UBASH3B: variants seen among roughly 807,000 people sequenced by gnomAD.
UBASH3B encodes ubiquitin associated and SH3 domain containing B.
In UBASH3B, 37 loss-of-function variants were observed where a neutral mutation model predicts 83.4. The observed-to-expected ratio is 0.44, with a 90% CI of 0.34 to 0.58. The LOEUF is 0.58. UBASH3B is among the 20% of genes least tolerant of loss of function. The pLI, the probability that UBASH3B is intolerant of heterozygous loss-of-function variation, is 0.01. For synonymous variants in UBASH3B, 304 were observed against 318.3 expected, an observed-to-expected ratio of 0.96 and a Z score of 0.48; for missense variants, 657 against 827.2, an observed-to-expected ratio of 0.79 and a Z score of 2.52.
intron 1 of UBASH3B, among the ~76,000 whole-genome samples, chr11:122,699,558 TTTC>T (rs1864013391): frequency 2.0e-5 from 3 of 147,154 alleles, no homozygotes; most frequent in Admixed American, 1.5e-4. Context: ...TCTTTCTTTC[TTTC>T]TTTCTTTCTT....
intron 1 of UBASH3B, among the ~76,000 whole-genome samples, chr11:122,683,306 C>A (rs1389463560): frequency 4.0e-5 from 6 of 150,838 alleles, no homozygotes; most frequent in African/African-American, 9.8e-5. Flanking sequence ...CTTTAAAAGA[C>A]TGTGACTATT....
chr11:122,783,267 C>G, intron 5 of UBASH3B, 45 bp downstream of exon 5: 2 of 1,595,106 alleles, frequency 1.3e-6, no homozygotes, highest in Non-Finnish European at 1.7e-6. Context: ...TGCAGGGATG[C>G]AATCAGAATC....
At chr11:122,770,353 A>G (rs1046879235) in intron 1 of UBASH3B, among the ~76,000 whole-genome samples, 19 of 152,190 alleles carry the variant, frequency 1.2e-4, no homozygotes, top group African/African-American at 4.1e-4. Flanking sequence ...GTTTTATCAA[A>G]TGGCACTAAA....
chr11:122,788,996 C>T, intron 5 of UBASH3B, 104 bp from the exon 6 acceptor site: 1 of 1,081,862 alleles, frequency 9.2e-7, no homozygotes, highest in Non-Finnish European at 1.4e-6. Flanking sequence ...GCACATCGCC[C>T]TCTGGAGGTG....
chr11:122,743,009 G>A (rs1292273109), intron 1 of UBASH3B, among the ~76,000 whole-genome samples: 1 of 152,168 alleles, frequency 6.6e-6, no homozygotes, highest in Non-Finnish European at 1.5e-5. Flanking sequence ...ACCTGGCCCT[G>A]GGTGCCCCCT....
chr11:122,661,167 C>T (rs977950066), intron 1 of UBASH3B, among the ~76,000 whole-genome samples: 1 of 151,990 alleles, frequency 6.6e-6, no homozygotes, highest in African/African-American at 2.4e-5. Context: ...TTGGATTGTC[C>T]TTTTTTTTCT....
At chr11:122,753,239 T>G (rs1006213292) in intron 1 of UBASH3B, among the ~76,000 whole-genome samples, 1 of 150,326 alleles carries the variant, frequency 6.7e-6, no homozygotes, top group Admixed American at 6.6e-5. Flanking sequence ...AGGTCAGGAG[T>G]TGAAGACCAG....
intron 1 of UBASH3B, among the ~76,000 whole-genome samples, chr11:122,688,625 CTTTTATTTTATTTTA>C (rs560066242): frequency 7.3e-6 from 1 of 137,358 alleles, no homozygotes; most frequent in Non-Finnish European, 1.5e-5. Flanking sequence ...TTTTTTCTTT[CTTTTATTTTATTTTA>C]TTTTATTTTA....
chr11:122,721,044 G>C (rs1446361393), intron 1 of UBASH3B, among the ~76,000 whole-genome samples: 1 of 151,876 alleles, frequency 6.6e-6, no homozygotes, highest in Non-Finnish European at 1.5e-5. Context: ...AGGAGATGGA[G>C]ACCATCCCGG....
intron 1 of UBASH3B, among the ~76,000 whole-genome samples, chr11:122,699,453 A>G (rs1254534124): frequency 6.6e-6 from 1 of 152,028 alleles, no homozygotes; most frequent in East Asian, 1.9e-4. Flanking sequence ...TCCACCTTCC[A>G]AAATTATTGT....
chr11:122,741,685 G>C (rs1488284678), intron 1 of UBASH3B, among the ~76,000 whole-genome samples: 4 of 152,150 alleles, frequency 2.6e-5, no homozygotes, highest in Non-Finnish European at 2.9e-5. Flanking sequence ...GCATCCAGCT[G>C]CTCCTCTTCC....
At chr11:122,705,317 G>A (rs561576031) in intron 1 of UBASH3B, among the ~76,000 whole-genome samples, 1 of 152,092 alleles carries the variant, frequency 6.6e-6, no homozygotes, top group South Asian at 2.1e-4. Context: ...GTGGTGGCAT[G>A]TGCCTGTAAT....
At chr11:122,715,237 G>A (rs926228090) in intron 1 of UBASH3B, among the ~76,000 whole-genome samples, 2 of 151,854 alleles carry the variant, frequency 1.3e-5, no homozygotes, top group Non-Finnish European at 2.9e-5. Context: ...GAGCCACTGC[G>A]CCCAGCCGAG....
chr11:122,702,230 A>G lies in UBASH3B; in HGVS notation c.161+46020A>G, dbSNP rs1178345044. ...GAAAACCGAATTATTTGCTTTAGTA[A>G]TGAATCCAAGTCCAACATAGTTACG... On this transcript the variant is annotated intron_variant, in intron 1 of 13. Coordinates refer to ENST00000284273, the MANE Select transcript of UBASH3B (RefSeq NM_032873.5). Among the ~76,000 whole-genome samples, 5 of 152,210 alleles carry G rather than the reference A, an allele frequency of 3.3e-5. No individual in the cohort carries two copies. The East Asian group carries it at 5.8e-4, about 18-fold the overall frequency.
intron 11 of UBASH3B, among the ~76,000 whole-genome samples, chr11:122,802,422 C>T (rs2135185061): frequency 6.6e-6 from 1 of 151,368 alleles, no homozygotes; most frequent in African/African-American, 2.4e-5. Flanking sequence ...CAGATAGTCA[C>T]AACCATTATA....
intron 1 of UBASH3B, among the ~76,000 whole-genome samples, chr11:122,723,819 T>C (rs1860683440): frequency 6.6e-6 from 1 of 152,222 alleles, no homozygotes. Context: ...TTCATTGTAA[T>C]AGGAAGGAGG....
At chr11:122,671,696 G>A (rs1164306334) in intron 1 of UBASH3B, among the ~76,000 whole-genome samples, 2 of 152,230 alleles carry the variant, frequency 1.3e-5, no homozygotes, top group Admixed American at 6.5e-5. Context: ...TTACAGACCA[G>A]TGGAGCAGGA....
Position 122,810,105 on chromosome 11 carries a change from A to G in UBASH3B, c.*219A>G, listed in dbSNP as rs1861415164. On this transcript the variant is annotated 3_prime_UTR_variant, in exon 14 of 14. Coordinates refer to ENST00000284273, the MANE Select transcript of UBASH3B (RefSeq NM_032873.5). ...TTCTCTCTGGACTCTTGCCTAGCTCACAAGGCTTTGGAGAATTGTCTTCCT... is the reference window on the plus strand; with the variant it reads ...TTCTCTCTGGACTCTTGCCTAGCTCGCAAGGCTTTGGAGAATTGTCTTCCT... 3 of 514,186 alleles carry G rather than the reference A, an allele frequency of 5.8e-6. No homozygotes were observed. Among genetic ancestry groups the G allele is most frequent in the Admixed American group, 7.1e-5 (2 of 28,002 alleles). 31.9% of individuals were successfully genotyped at this position (514,186 alleles called of 1,614,324 possible).
chr11:122,801,415 C>T, intron 11 of UBASH3B, 83 bp downstream of exon 11: 1 of 1,494,396 alleles, frequency 6.7e-7, no homozygotes, highest in South Asian at 1.2e-5. Flanking sequence ...AGGAAGGAGC[C>T]AGGGCTGGAC....
Sources: allele counts gnomAD v4.1 joint callset (sites outside exome capture counted in the v4.1 genomes callset), GRCh38; gene constraint gnomAD v4.1.1; transcripts MANE v1.5; gene names NCBI Gene and HGNC (gene_info 2026-07-23, HGNC 2026-07-21).